The following SLIT3 variants were observed in gnomAD, a reference collection of about 807,000 sequenced individuals.
SLIT3 encodes slit homolog 3 protein.
SLIT3 carries 68 observed loss-of-function variants against 184.0 expected under a neutral mutation model. That is an observed-to-expected ratio of 0.37 (90% CI 0.30 to 0.45). SLIT3 has a LOEUF of 0.45. Among genes scored for constraint, SLIT3 ranks in the 20% least tolerant of loss-of-function variants. SLIT3 has a pLI of 1.00. For synonymous variants in SLIT3, 831 were observed against 828.6 expected (o/e 1.00, Z -0.05); for missense variants, 1,707 against 2,026.0 (o/e 0.84, Z 3.02).
chr5:168,796,944 C>T (rs942303876), intron 9 of SLIT3, among the ~76,000 whole-genome samples: 6 of 151,378 alleles, frequency 4.0e-5, no homozygotes, highest in Non-Finnish European at 7.4e-5. Flanking sequence ...AGGGGAAAGG[C>T]GGGTGAGAGG....
chr5:168,978,225 G>C (rs1471534364), intron 4 of SLIT3, among the ~76,000 whole-genome samples: 1 of 152,242 alleles, frequency 6.6e-6, no homozygotes, highest in Non-Finnish European at 1.5e-5. Flanking sequence ...TAAGTGCGTA[G>C]AAGTTTCCAT....
chr5:168,829,106 C>G (rs900388627), intron 6 of SLIT3, among the ~76,000 whole-genome samples: 13 of 152,184 alleles, frequency 8.5e-5, no homozygotes, highest in Non-Finnish European at 1.5e-4. Flanking sequence ...TCAAGATAGC[C>G]ATCTTTGATC....
intron 25 of SLIT3, 76 bp downstream of exon 25, chr5:168,710,819 C>G (rs1165153326): frequency 1.5e-5 from 19 of 1,284,414 alleles, no homozygotes; most frequent in Non-Finnish European, 1.8e-5. Flanking sequence ...GTTGAGATAC[C>G]CTGCTCTGAC....
Position 168,916,186 on chromosome 5 carries a change from G to A in SLIT3, c.414-32850C>T, listed in dbSNP as rs530613532. 1.3e-4 allele frequency among the ~76,000 whole-genome samples: 20 copies of A among 152,324 alleles called. No homozygotes were observed. In the South Asian group the frequency reaches 3.3e-3, roughly 25 times the overall value. ...AATCTAAGTGATGGGCATATGTGGA[G>A]CCCACATTTGAGTGATCTCTAAGGC... is the stretch of plus-strand genomic sequence containing the variant. On this transcript the variant is annotated intron_variant, in intron 4 of 35. Transcript: ENST00000519560.
chr5:169,147,716 G>T (rs1761971931), intron 4 of SLIT3, among the ~76,000 whole-genome samples: 1 of 152,118 alleles, frequency 6.6e-6, no homozygotes, highest in Non-Finnish European at 1.5e-5. Flanking sequence ...GCTGAAGAGG[G>T]CCAGGATGAG....
At chr5:169,084,279 TTTTTC>T (rs1019347474) in intron 4 of SLIT3, among the ~76,000 whole-genome samples, 4 of 148,916 alleles carry the variant, frequency 2.7e-5, no homozygotes, top group Admixed American at 6.6e-5. Context: ...GGGATGTTTC[TTTTTC>T]TTTTCTTTTT....
At chr5:169,182,962 AT>A (rs1363454745) in intron 4 of SLIT3, among the ~76,000 whole-genome samples, 1 of 152,200 alleles carries the variant, frequency 6.6e-6, no homozygotes, top group African/African-American at 2.4e-5. Context: ...AGCAGCACTG[AT>A]TTTGTGCAGA....
intron 4 of SLIT3, among the ~76,000 whole-genome samples, chr5:168,980,957 T>C (rs1290265554): frequency 2.0e-5 from 3 of 152,222 alleles, no homozygotes; most frequent in Non-Finnish European, 1.5e-5. Flanking sequence ...TTGGTAAATC[T>C]ATACAATGAA....
At chr5:168,934,964 C>CT (rs1189572376) in intron 4 of SLIT3, among the ~76,000 whole-genome samples, 1 of 110,998 alleles carries the variant, frequency 9.0e-6, no homozygotes, top group Non-Finnish European at 1.8e-5. Flanking sequence ...CCCATCTCTA[C>CT]TAAAAAAAAA....
intron 12 of SLIT3, among the ~76,000 whole-genome samples, chr5:168,774,739 A>G (rs1003795127): frequency 2.0e-5 from 3 of 152,198 alleles, no homozygotes; most frequent in African/African-American, 7.2e-5. Flanking sequence ...ATCATTTGGC[A>G]TAATTGTTTT....
chr5:169,282,861 A>G (rs1767036436), intron 1 of SLIT3, among the ~76,000 whole-genome samples: 1 of 152,206 alleles, frequency 6.6e-6, no homozygotes, highest in African/African-American at 2.4e-5. Context: ...TTTCTCAAAC[A>G]CTGCTGTACA....
At chr5:169,248,602 G>A (rs376600306) in intron 2 of SLIT3, among the ~76,000 whole-genome samples, 2 of 152,306 alleles carry the variant, frequency 1.3e-5, no homozygotes, top group East Asian at 3.9e-4. Flanking sequence ...CAGAGCCTGT[G>A]TTCATTTTCA....
chr5:169,182,560 C>T (rs1042973227), intron 4 of SLIT3, among the ~76,000 whole-genome samples: 2 of 152,170 alleles, frequency 1.3e-5, no homozygotes, highest in African/African-American at 4.8e-5. Flanking sequence ...TACTATTTGT[C>T]CCCTGGAGGG....
chr5:169,050,692 T>A (rs1465339402), intron 4 of SLIT3, among the ~76,000 whole-genome samples: 2 of 131,092 alleles, frequency 1.5e-5, no homozygotes, highest in Non-Finnish European at 3.2e-5. Flanking sequence ...ATAATAGCAC[T>A]TTTTTTTTTT....
chr5:169,171,003 G>C (rs297867), intron 4 of SLIT3, among the ~76,000 whole-genome samples: 119,983 of 152,120 alleles, frequency 0.79, 47,558 homozygotes, highest in African/African-American at 0.85. Flanking sequence ...GAACATCTTG[G>C]TTAATAACAC....
intron 4 of SLIT3, among the ~76,000 whole-genome samples, chr5:168,945,520 G>A (rs1762446894): frequency 6.6e-6 from 1 of 152,174 alleles, no homozygotes; most frequent in Non-Finnish European, 1.5e-5. Flanking sequence ...ACAGGCATGA[G>A]CCACCACGCC....
chr5:168,815,559 G>A (rs1757311485), intron 8 of SLIT3, among the ~76,000 whole-genome samples: 1 of 152,180 alleles, frequency 6.6e-6, no homozygotes, highest in South Asian at 2.1e-4. Context: ...TGGTGCCTGC[G>A]TGATAAATGG....
intron 20 of SLIT3, among the ~76,000 whole-genome samples, chr5:168,725,202 GGCTGA>G (rs1442468259): frequency 6.6e-6 from 1 of 152,164 alleles, no homozygotes; most frequent in Non-Finnish European, 1.5e-5. Flanking sequence ...GACATGCAAA[GGCTGA>G]GCTAAGATCT....
chr5:168,919,751 T>C (rs1219458318), intron 4 of SLIT3, among the ~76,000 whole-genome samples: 1 of 152,196 alleles, frequency 6.6e-6, no homozygotes, highest in African/African-American at 2.4e-5. Context: ...TTTTTCAGAT[T>C]AAACTCCAAA....
Sources: allele counts gnomAD v4.1 joint callset (sites outside exome capture counted in the v4.1 genomes callset), GRCh38; gene constraint gnomAD v4.1.1; transcripts MANE v1.5; gene names NCBI Gene and HGNC (gene_info 2026-07-23, HGNC 2026-07-21).